The following PJA2 variants were observed in gnomAD, a reference collection of about 807,000 sequenced individuals.
PJA2 encodes the protein E3 ubiquitin-protein ligase Praja-2.
PJA2 carries 25 observed loss-of-function variants against 69.3 expected under a neutral mutation model. The ratio of observed to expected loss-of-function variants is 0.36; its 90% CI spans 0.26 to 0.50. PJA2 has a LOEUF of 0.50. Ranked by LOEUF, PJA2 falls within the 20% of genes least tolerant of loss-of-function variation. The pLI, the probability that PJA2 is intolerant of heterozygous loss-of-function variation, is 0.96. For synonymous variants in PJA2, 308 were observed against 277.8 expected (o/e 1.11, Z -1.08); for missense variants, 809 against 830.2 (o/e 0.97, Z 0.31).
At chr5:109,408,537 CA>C (rs576057624) in intron 1 of PJA2, among the ~76,000 whole-genome samples, 16 of 145,066 alleles carry the variant, frequency 1.1e-4, no homozygotes, top group South Asian at 2.2e-4. Context: ...TAGCCTCCCT[CA>C]AAAAAAAAAA....
intron 1 of PJA2, among the ~76,000 whole-genome samples, chr5:109,386,317 T>C (rs181578313): frequency 7.9e-5 from 12 of 152,244 alleles, no homozygotes; most frequent in African/African-American, 2.9e-4. Context: ...TGAAGGCCTA[T>C]CACTGACCAC....
intron 1 of PJA2, among the ~76,000 whole-genome samples, chr5:109,390,105 T>C (rs1469350158): frequency 6.6e-6 from 1 of 152,154 alleles, no homozygotes; most frequent in African/African-American, 2.4e-5. Flanking sequence ...TTAGGTTAAG[T>C]TGATTAATCA....
chr5:109,409,571 G>C lies in PJA2; in HGVS notation c.-88+271C>G, dbSNP rs540210007. Reference sequence around the variant, plus strand: ...AGCGAAGACCCCGATACCAACCAATGTCATCTGTCGGGGGGCGGCGGGCGC... The same window carrying C: ...AGCGAAGACCCCGATACCAACCAATCTCATCTGTCGGGGGGCGGCGGGCGC... On this transcript the variant is annotated intron_variant, in intron 1 of 9. Coordinates refer to ENST00000361189, the MANE Select transcript of PJA2 (RefSeq NM_014819.5). Among the ~76,000 whole-genome samples, 16 of 152,270 alleles carry C rather than the reference G, an allele frequency of 1.1e-4. No individual in the cohort carries two copies. The South Asian group carries it at 3.3e-3, about 32-fold the overall frequency.
At chr5:109,345,160 T>A (rs1762152081) in intron 7 of PJA2, among the ~76,000 whole-genome samples, 1 of 131,948 alleles carries the variant, frequency 7.6e-6, no homozygotes, top group Admixed American at 8.1e-5. Flanking sequence ...CTGACCAACA[T>A]GGTGAAATCC....
chr5:109,344,646 G>T, intron 8 of PJA2, 59 bp downstream of exon 8: 1 of 1,102,686 alleles, frequency 9.1e-7, no homozygotes, highest in Non-Finnish European at 1.3e-6. Context: ...TAGGTATATT[G>T]ATAATATACT....
chr5:109,390,058 C>A (rs1179660854), intron 1 of PJA2, among the ~76,000 whole-genome samples: 1 of 151,784 alleles, frequency 6.6e-6, no homozygotes, highest in East Asian at 1.9e-4. Flanking sequence ...TAATGTAAAG[C>A]CTTCAGTTGT....
chr5:109,391,768 T>C (rs1013579866), intron 1 of PJA2, among the ~76,000 whole-genome samples: 37 of 152,274 alleles, frequency 2.4e-4, no homozygotes, highest in African/African-American at 7.5e-4. Flanking sequence ...TTTTAGATGG[T>C]TGACAGATAC....
intron 7 of PJA2, among the ~76,000 whole-genome samples, chr5:109,347,993 T>C (rs1160455006): frequency 6.6e-6 from 1 of 152,184 alleles, no homozygotes; most frequent in Non-Finnish European, 1.5e-5. Context: ...ATTTGGGGGT[T>C]GGTTTGGTTA....
chr5:109,341,549 G>T (rs1582579542), intron 9 of PJA2, among the ~76,000 whole-genome samples: 7 of 34,028 alleles, frequency 2.1e-4, no homozygotes, highest in South Asian at 7.2e-4. Context: ...GGAGGGAGGT[G>T]GGGGGGGGTC....
intron 7 of PJA2, among the ~76,000 whole-genome samples, chr5:109,346,273 T>G (rs1178065165): frequency 6.6e-6 from 1 of 152,216 alleles, no homozygotes; most frequent in African/African-American, 2.4e-5. Context: ...TGAAGGAAAT[T>G]TGACAACTAT....
intron 1 of PJA2, among the ~76,000 whole-genome samples, chr5:109,408,585 G>C (rs910269071): frequency 1.3e-5 from 2 of 151,964 alleles, no homozygotes; most frequent in South Asian, 2.1e-4. Context: ...AAGTGCATTT[G>C]CAAGATTTTG....
At chr5:109,407,322 A>C (rs1023339716) in intron 1 of PJA2, among the ~76,000 whole-genome samples, 1 of 152,180 alleles carries the variant, frequency 6.6e-6, no homozygotes, top group Non-Finnish European at 1.5e-5. Context: ...AATATATATA[A>C]GAAAACTCAT....
chr5:109,406,333 C>T (rs1031780902), intron 1 of PJA2, among the ~76,000 whole-genome samples: 2 of 152,200 alleles, frequency 1.3e-5, no homozygotes. Context: ...AGCCACCGCG[C>T]CAGGCCCACC....
At chr5:109,347,958 G>A (rs1302419159) in intron 7 of PJA2, among the ~76,000 whole-genome samples, 5 of 152,286 alleles carry the variant, frequency 3.3e-5, no homozygotes, top group South Asian at 2.1e-4. Context: ...GAGTGGTCCC[G>A]GGACACAGAA....
rs576872069 is a variant in PJA2 at position 109,344,853 on chromosome 5, A to G, written c.1765-34T>C. ...CAAAAGGTACAGTTCTTTGTTAGAA[A>G]TACTTTAAAACAGTAACAGAAAACT... is the stretch of plus-strand genomic sequence containing the variant. On this transcript the variant is annotated intron_variant, in intron 7 of 9. Coordinates refer to ENST00000361189, the MANE Select transcript of PJA2 (RefSeq NM_014819.5). 177 of 1,396,866 alleles carry G rather than the reference A, an allele frequency of 1.3e-4. 1 individual carries two copies. In the South Asian group the frequency reaches 2.2e-3, roughly 17 times the overall value. The allele number at this position is 1,396,866 out of a possible 1,614,324, so 86.5% of individuals were successfully genotyped here. A position where few individuals can be genotyped will look rare whatever the true frequency, so the allele number is the denominator to read the frequency against.
intron 1 of PJA2, among the ~76,000 whole-genome samples, chr5:109,384,619 CACAG>C (rs1335066330): frequency 3.3e-5 from 5 of 152,214 alleles, no homozygotes; most frequent in South Asian, 2.1e-4. Flanking sequence ...CCTGTCTAAT[CACAG>C]ACAGATATAT....
chr5:109,350,914 C>T (rs955218490), intron 7 of PJA2, among the ~76,000 whole-genome samples: 7 of 152,090 alleles, frequency 4.6e-5, no homozygotes, highest in Admixed American at 6.6e-5. Context: ...AATCTTTCTT[C>T]GAACTGATCC....
intron 1 of PJA2, among the ~76,000 whole-genome samples, chr5:109,387,409 A>C (rs1747183608): frequency 6.6e-6 from 1 of 152,178 alleles, no homozygotes; most frequent in African/African-American, 2.4e-5. Flanking sequence ...TAAAATGATT[A>C]ATCAGTCCAA....
At chr5:109,397,424 G>A (rs1397018447) in intron 1 of PJA2, among the ~76,000 whole-genome samples, 1 of 151,682 alleles carries the variant, frequency 6.6e-6, no homozygotes, top group African/African-American at 2.4e-5. Flanking sequence ...GTCATTCCCA[G>A]TTCAGTTGTG....
Sources: allele counts gnomAD v4.1 joint callset (sites outside exome capture counted in the v4.1 genomes callset), GRCh38; gene constraint gnomAD v4.1.1; transcripts MANE v1.5; gene names NCBI Gene and HGNC (gene_info 2026-07-23, HGNC 2026-07-21).